Variants in FAM135B observed in about 807,000 individuals in gnomAD.
FAM135B encodes family with sequence similarity 135 member B.
A neutral mutation model predicts 127.7 loss-of-function variants in FAM135B; 43 were observed. The ratio of observed to expected loss-of-function variants is 0.34; its 90% CI spans 0.26 to 0.43. The LOEUF is 0.43. Ranked by LOEUF, FAM135B falls within the 20% of genes least tolerant of loss-of-function variation. The pLI is 1.00. For synonymous variants in FAM135B, 670 were observed against 665.1 expected, an observed-to-expected ratio of 1.01 and a Z score of -0.11; for missense variants, 1,558 against 1,725.6, an observed-to-expected ratio of 0.90 and a Z score of 1.72.
At chr8:138,279,948 A>G (rs1219233203) in intron 3 of FAM135B, among the ~76,000 whole-genome samples, 1 of 152,218 alleles carries the variant, frequency 6.6e-6, no homozygotes, top group Non-Finnish European at 1.5e-5. Context: ...TCCCCAAAAG[A>G]AGGCTGAGTA....
At chr8:138,343,562 T>C (rs567575561) in intron 2 of FAM135B, among the ~76,000 whole-genome samples, 1 of 152,318 alleles carries the variant, frequency 6.6e-6, no homozygotes, top group East Asian at 1.9e-4. Context: ...GTAAAATGAA[T>C]GTGATGAACT....
chr8:138,328,494 G>A (rs949540331), intron 2 of FAM135B, among the ~76,000 whole-genome samples: 1 of 152,208 alleles, frequency 6.6e-6, no homozygotes, highest in African/African-American at 2.4e-5. Flanking sequence ...TGGAGGAACA[G>A]CTTGGGGAAA....
chr8:138,219,220 G>A (rs552085190), intron 7 of FAM135B, among the ~76,000 whole-genome samples: 10 of 152,256 alleles, frequency 6.6e-5, no homozygotes, highest in East Asian at 1.9e-4. Context: ...TCAATTATGC[G>A]TAACATGGGA....
chr8:138,147,779 G>GA (rs147879065), intron 14 of FAM135B, among the ~76,000 whole-genome samples: 1 of 151,020 alleles, frequency 6.6e-6, no homozygotes, highest in Non-Finnish European at 1.5e-5. Flanking sequence ...ATGCATGATG[G>GA]AAAAAAAAAT....
chr8:138,411,995 T>G (rs1476738059), intron 1 of FAM135B, among the ~76,000 whole-genome samples: 1 of 152,180 alleles, frequency 6.6e-6, no homozygotes, highest in Non-Finnish European at 1.5e-5. Flanking sequence ...TTCTCACTTA[T>G]AAGTTGGAGC....
At chr8:138,259,164 T>A (rs1412136103) in intron 4 of FAM135B, among the ~76,000 whole-genome samples, 1 of 152,170 alleles carries the variant, frequency 6.6e-6, no homozygotes, top group Non-Finnish European at 1.5e-5. Context: ...AAGGGCTCCA[T>A]TTCTTTGGCC....
intron 16 of FAM135B, chr8:138,142,801 T>C (rs908042385): frequency 1.1e-5 from 5 of 458,188 alleles, no homozygotes; most frequent in Non-Finnish European, 1.9e-5. Context: ...AACTACAAAA[T>C]TTTTATTCTC....
intron 7 of FAM135B, among the ~76,000 whole-genome samples, chr8:138,219,904 C>T (rs187187470): frequency 1.3e-3 from 191 of 152,288 alleles, no homozygotes; most frequent in African/African-American, 4.1e-3. Flanking sequence ...TAGACAACAG[C>T]TAATGAAAGG....
At chr8:138,263,840 G>T (rs574609737) in intron 4 of FAM135B, among the ~76,000 whole-genome samples, 2 of 152,214 alleles carry the variant, frequency 1.3e-5, no homozygotes, top group South Asian at 2.1e-4. Flanking sequence ...GGTATCCACA[G>T]TGTAGTCCTA....
chr8:138,304,020 G>T (rs11989377), intron 3 of FAM135B, among the ~76,000 whole-genome samples: 3 of 152,100 alleles, frequency 2.0e-5, no homozygotes, highest in Non-Finnish European at 4.4e-5. Flanking sequence ...AGCAGAAAAC[G>T]ATGTATTGTT....
intron 1 of FAM135B, among the ~76,000 whole-genome samples, chr8:138,368,729 T>C (rs779644698): frequency 5.9e-5 from 9 of 151,998 alleles, no homozygotes; most frequent in Admixed American, 1.3e-4. Context: ...AGTAACAAGA[T>C]GGTTGAATGG....
chr8:138,259,342 C>T (rs796287262), intron 4 of FAM135B, among the ~76,000 whole-genome samples: 8 of 152,276 alleles, frequency 5.3e-5, no homozygotes, highest in South Asian at 2.1e-4. Flanking sequence ...TACACGTGTA[C>T]GACTCTTAGT....
At chr8:138,374,456 T>C (rs1831338774) in intron 1 of FAM135B, among the ~76,000 whole-genome samples, 1 of 152,256 alleles carries the variant, frequency 6.6e-6, no homozygotes, top group Non-Finnish European at 1.5e-5. Context: ...AGGAGATGAC[T>C]GGGCTATAAG....
intron 10 of FAM135B, among the ~76,000 whole-genome samples, chr8:138,177,695 G>A (rs553427459): frequency 6.6e-6 from 1 of 152,190 alleles, no homozygotes; most frequent in African/African-American, 2.4e-5. Context: ...TTTAACTTGA[G>A]GTCTTATTTA....
At chr8:138,222,123 C>G (rs564585109) in intron 7 of FAM135B, among the ~76,000 whole-genome samples, 2 of 151,384 alleles carry the variant, frequency 1.3e-5, no homozygotes, top group Non-Finnish European at 2.9e-5. Flanking sequence ...GAGAGAGAGA[C>G]GGGAAGCCGA....
intron 15 of FAM135B, among the ~76,000 whole-genome samples, chr8:138,145,102 CCT>C (rs1349911853): frequency 6.6e-6 from 1 of 152,082 alleles, no homozygotes; most frequent in Non-Finnish European, 1.5e-5. Context: ...GCAACCTTGA[CCT>C]CCTTGGGCTC....
chr8:138,456,347 G>C (rs948326874), intron 1 of FAM135B, among the ~76,000 whole-genome samples: 1 of 152,174 alleles, frequency 6.6e-6, no homozygotes, highest in African/African-American at 2.4e-5. Flanking sequence ...CTAATCCTTT[G>C]TATCTTTGAA....
intron 7 of FAM135B, among the ~76,000 whole-genome samples, chr8:138,225,634 A>C (rs181507487): frequency 1.3e-5 from 2 of 152,270 alleles, no homozygotes; most frequent in Admixed American, 6.5e-5. Flanking sequence ...ACATAGATTA[A>C]GGTCCACATA....
intron 7 of FAM135B, among the ~76,000 whole-genome samples, chr8:138,209,970 T>C (rs1031865623): frequency 2.6e-5 from 4 of 152,128 alleles, no homozygotes; most frequent in East Asian, 1.9e-4. Flanking sequence ...GGCAAGACAA[T>C]GAGAAAAGAG....
Sources: allele counts gnomAD v4.1 joint callset (sites outside exome capture counted in the v4.1 genomes callset), GRCh38; gene constraint gnomAD v4.1.1; transcripts MANE v1.5; gene names NCBI Gene and HGNC (gene_info 2026-07-23, HGNC 2026-07-21).